Variants in AR observed in about 807,000 individuals in gnomAD.
AR encodes androgen receptor.
Under a neutral mutation model 53.9 loss-of-function variants are expected in AR, and 8 were observed. The ratio of observed to expected loss-of-function variants is 0.15; its 90% CI spans 0.09 to 0.27. The LOEUF (loss-of-function observed/expected upper bound fraction) is 0.27. AR is among the 10% of genes least tolerant of loss of function. AR has a pLI of 1.00. For missense variants in AR, 639 were observed against 742.5 expected (o/e 0.86, Z 1.62); for synonymous variants, 359 against 316.4 (o/e 1.13, Z -1.43).
At chrX:67,686,192 C>A in intron 3 of AR, 66 bp downstream of exon 3, 2 of 1,064,876 alleles carry the variant, frequency 1.9e-6, no homozygotes, top group Non-Finnish European at 2.6e-6. Flanking sequence ...TTTCTAGTCT[C>A]TCTTTAGACC....
chrX:67,707,177 A>T (rs1317196571), intron 3 of AR, among the ~76,000 whole-genome samples: 1 of 111,578 alleles, frequency 9.0e-6, no homozygotes, highest in Non-Finnish European at 1.9e-5. Context: ...CTTGGTACAG[A>T]GCTGAGTTCA....
Position 67,727,955 on chromosome X carries a change from G to T in AR, c.*4114G>T. The T allele has an allele frequency of 5.7e-6, 1 of 174,850 alleles. No homozygotes were observed. Among genetic ancestry groups the T allele is most frequent in the African/African-American group, 2.9e-5 (1 of 34,465 alleles). The allele number at this position is 174,850 out of a possible 1,213,427, so 14.4% of individuals were successfully genotyped here. A position where few individuals can be genotyped will look rare whatever the true frequency, so the allele number is the denominator to read the frequency against. On this transcript the variant is annotated 3_prime_UTR_variant, in exon 8 of 8. Transcript: ENST00000374690. ...GTTTCTACCCCTGATGCCTTTGTAG[G>T]CAGATCTGTTCTCACCATTAATCTT...
At chrX:67,698,886 G>C (rs1444799233) in intron 3 of AR, among the ~76,000 whole-genome samples, 1 of 111,501 alleles carries the variant, frequency 9.0e-6, no homozygotes, top group East Asian at 2.8e-4. Context: ...CAGTTTGGAG[G>C]GTTCACTGTG....
Position 67,725,932 on chromosome X carries a change from T to G in AR, c.*2091T>G, listed in dbSNP as rs1317704314. On this transcript the variant is annotated 3_prime_UTR_variant, in exon 8 of 8. Transcript: ENST00000374690. ...AGTGCAAGGGAAAATGTCCACCTACTTTCTCATCTTGGCCTCTGCCTCCTT... is the reference window on the plus strand; with the variant it reads ...AGTGCAAGGGAAAATGTCCACCTACGTTCTCATCTTGGCCTCTGCCTCCTT... The G allele has an allele frequency of 5.7e-6, 1 of 174,318 alleles. No individual in the cohort carries two copies. The highest frequency in any genetic ancestry group is 1.1e-5 in the Non-Finnish European group (1 of 91,592). 14.4% of individuals were successfully genotyped at this position (174,318 alleles called of 1,213,427 possible).
intron 1 of AR, among the ~76,000 whole-genome samples, chrX:67,639,580 A>G (rs1466332129): frequency 9.0e-6 from 1 of 111,410 alleles, no homozygotes; most frequent in Admixed American, 9.6e-5. Context: ...GTTTGTAGCA[A>G]TTGTGAATGG....
intron 2 of AR, among the ~76,000 whole-genome samples, chrX:67,658,834 GT>G (rs769871275): frequency 1.8e-5 from 2 of 112,083 alleles, no homozygotes; most frequent in Non-Finnish European, 3.8e-5. Flanking sequence ...ATACAAAAAG[GT>G]TCACACCAGT....
intron 1 of AR, among the ~76,000 whole-genome samples, chrX:67,593,363 TC>T (rs1377447990): frequency 3.7e-5 from 4 of 108,143 alleles, no homozygotes; most frequent in Non-Finnish European, 5.8e-5. Context: ...TTTTTTTTTT[TC>T]TTTTTTTTTG....
rs762786861 is a variant in AR, at chrX:67,638,613, A to T, written c.1617-4643A>T. On this transcript the variant is annotated intron_variant, in intron 1 of 7. Coordinates refer to ENST00000374690, the MANE Select transcript of AR (RefSeq NM_000044.6). ...TTTTTCATGTTTGTTGACCGCATAA[A>T]TGTCTTCTTTTGAGAAGTGCCTGTT... Among the ~76,000 whole-genome samples the T allele has an allele frequency of 2.9e-4, 33 of 112,142 alleles. 1 individual carries two copies. The South Asian group carries it at 0.011, about 38-fold the overall frequency.
At chrX:67,660,387 A>T (rs1189903896) in intron 2 of AR, among the ~76,000 whole-genome samples, 6 of 111,585 alleles carry the variant, frequency 5.4e-5, no homozygotes, top group East Asian at 5.6e-4. Flanking sequence ...AATTAATTTT[A>T]GTATAAGGTG....
At chrX:67,621,137 G>A (rs754142349) in intron 1 of AR, among the ~76,000 whole-genome samples, 4 of 111,589 alleles carry the variant, frequency 3.6e-5, no homozygotes, top group African/African-American at 6.5e-5. Flanking sequence ...GATCCCTGGC[G>A]TAAGAATGAT....
At chrX:67,668,488 A>G (rs889077443) in intron 2 of AR, among the ~76,000 whole-genome samples, 18 of 110,618 alleles carry the variant, frequency 1.6e-4, no homozygotes, top group Non-Finnish European at 2.8e-4. Context: ...GGATTTTTGC[A>G]TCAGTGTTTA....
chrX:67,600,352 A>G (rs1433671625), intron 1 of AR, among the ~76,000 whole-genome samples: 1 of 111,653 alleles, frequency 9.0e-6, no homozygotes, highest in Non-Finnish European at 1.9e-5. Flanking sequence ...ACCGAGTACT[A>G]TTCGTCATAA....
At chrX:67,675,377 G>T (rs2075893661) in intron 2 of AR, among the ~76,000 whole-genome samples, 1 of 110,996 alleles carries the variant, frequency 9.0e-6, no homozygotes. Flanking sequence ...ACCAAGAATT[G>T]CAATTCTTGT....
intron 2 of AR, among the ~76,000 whole-genome samples, chrX:67,679,345 T>C (rs1359701470): frequency 9.0e-6 from 1 of 111,584 alleles, no homozygotes; most frequent in African/African-American, 3.2e-5. Flanking sequence ...GACATTGCAG[T>C]CATCACTAAT....
At chrX:67,667,233 G>T (rs1180916856) in intron 2 of AR, among the ~76,000 whole-genome samples, 2 of 111,726 alleles carry the variant, frequency 1.8e-5, no homozygotes, top group Non-Finnish European at 3.8e-5. Context: ...TTTTATTTTT[G>T]TATTTGCTGA....
At chrX:67,719,511 G>A (rs1421560592) in intron 5 of AR, among the ~76,000 whole-genome samples, 1 of 111,410 alleles carries the variant, frequency 9.0e-6, no homozygotes, top group Non-Finnish European at 1.9e-5. Context: ...TCCCTACGGG[G>A]TCAGAGGCCT....
Position 67,728,050 on chromosome X carries a change from A to T in AR, c.*4209A>T, listed in dbSNP as rs1323671889. ...ATCACATTATATAACCAAAGATTAC[A>T]TTGTACCTGCTAAGATACCAAAATT... On this transcript the variant is annotated 3_prime_UTR_variant, in exon 8 of 8. Coordinates refer to ENST00000374690, the MANE Select transcript of AR (RefSeq NM_000044.6). The T allele has an allele frequency of 1.7e-5, 3 of 172,284 alleles. No individual in the cohort carries two copies. 14.2% of individuals were successfully genotyped at this position (172,284 alleles called of 1,213,427 possible). A position where few individuals can be genotyped will look rare whatever the true frequency, so the allele number is the denominator to read the frequency against.
At chrX:67,654,785 G>A (rs751126041) in intron 2 of AR, among the ~76,000 whole-genome samples, 30 of 103,381 alleles carry the variant, frequency 2.9e-4, no homozygotes, top group African/African-American at 1.1e-3. Context: ...AATTTTTAAA[G>A]CTCCTTTTCC....
At chrX:67,723,540 C>CACACAG in intron 7 of AR, 146 bp from the exon 8 acceptor site, 1 of 621,753 alleles carries the variant, frequency 1.6e-6, no homozygotes, top group Non-Finnish European at 2.6e-6. Context: ...CACACACACA[C>CACACAG]GACCTCATGG....
Sources: gnomAD v4.1 joint callset for allele counts (sites outside exome capture counted in the v4.1 genomes callset) on GRCh38, gnomAD v4.1.1 for gene constraint, MANE v1.5 for transcripts, NCBI Gene and HGNC (gene_info 2026-07-23, HGNC 2026-07-21) for gene names.